The following NDUFAF2 variants were observed in gnomAD, a reference collection of about 807,000 sequenced individuals.
NDUFAF2 encodes NADH dehydrogenase [ubiquinone] 1 alpha subcomplex assembly factor 2.
NDUFAF2 carries 13 observed loss-of-function variants against 22.8 expected under a neutral mutation model. The observed-to-expected ratio is 0.57, with a 90% CI of 0.37 to 0.91. The LOEUF is 0.91. Among genes scored for constraint, NDUFAF2 ranks in the 40% least tolerant of loss-of-function variants. The pLI is 0.01. For missense variants in NDUFAF2, 162 were observed against 195.2 expected (o/e 0.83, Z 1.01); for synonymous variants, 53 against 64.2 (o/e 0.83, Z 0.84).
chr5:61,088,771 G>T (rs1752534582), intron 2 of NDUFAF2, among the ~76,000 whole-genome samples: 1 of 151,970 alleles, frequency 6.6e-6, no homozygotes, highest in Non-Finnish European at 1.5e-5. Flanking sequence ...TAAAAACTGT[G>T]GATCTCTTAT....
chr5:61,149,074 G>A (rs1561140282), intron 3 of NDUFAF2, among the ~76,000 whole-genome samples: 1 of 152,096 alleles, frequency 6.6e-6, no homozygotes, highest in East Asian at 1.9e-4. Flanking sequence ...AGGTTCAAGC[G>A]ATTCTCATGC....
chr5:61,029,754 T>C (rs1434310781), intron 1 of NDUFAF2, among the ~76,000 whole-genome samples: 1 of 152,126 alleles, frequency 6.6e-6, no homozygotes, highest in Non-Finnish European at 1.5e-5. Context: ...AAAAGTATAT[T>C]CCTATTTTCA....
chr5:60,960,342 AAG>A (rs760563311), intron 1 of NDUFAF2, among the ~76,000 whole-genome samples: 4 of 152,188 alleles, frequency 2.6e-5, no homozygotes, highest in Non-Finnish European at 5.9e-5. Context: ...GTATTTGTTG[AAG>A]AATATAATAA....
intron 1 of NDUFAF2, among the ~76,000 whole-genome samples, chr5:61,018,830 T>A (rs1751543676): frequency 6.6e-6 from 1 of 152,114 alleles, no homozygotes; most frequent in Non-Finnish European, 1.5e-5. Flanking sequence ...GGCTTATGGA[T>A]GGTTTAAGAG....
At chr5:60,970,429 T>G (rs1323364278) in intron 1 of NDUFAF2, among the ~76,000 whole-genome samples, 1 of 152,200 alleles carries the variant, frequency 6.6e-6, no homozygotes, top group Non-Finnish European at 1.5e-5. Context: ...ATAGTTTTCA[T>G]TGTAGACATC....
chr5:61,104,335 T>G (rs80278356), intron 3 of NDUFAF2, among the ~76,000 whole-genome samples: 3,700 of 152,246 alleles, frequency 0.024, 63 homozygotes, highest in Non-Finnish European at 0.038. Flanking sequence ...GTAAAGTTTT[T>G]TGTTTGAACA....
At chr5:61,025,625 T>C (rs1179905588) in intron 1 of NDUFAF2, among the ~76,000 whole-genome samples, 1 of 152,042 alleles carries the variant, frequency 6.6e-6, no homozygotes, top group Non-Finnish European at 1.5e-5. Flanking sequence ...GTTTTGATTC[T>C]ATGTTTTAAT....
chr5:61,056,551 G>C (rs1285409335), intron 1 of NDUFAF2, among the ~76,000 whole-genome samples: 1 of 151,984 alleles, frequency 6.6e-6, no homozygotes, highest in Non-Finnish European at 1.5e-5. Flanking sequence ...ATTAGCCAGG[G>C]TAAAGTTTGT....
chr5:61,112,217 C>G (rs1482000958), intron 3 of NDUFAF2, among the ~76,000 whole-genome samples: 1 of 140,440 alleles, frequency 7.1e-6, no homozygotes, highest in East Asian at 2.7e-4. Context: ...TTATCCCCCC[C>G]CCTTTTTTTT....
chr5:61,066,144 T>A (rs1329154893), intron 1 of NDUFAF2, among the ~76,000 whole-genome samples: 1 of 151,984 alleles, frequency 6.6e-6, no homozygotes, highest in African/African-American at 2.4e-5. Context: ...GGAATAAATT[T>A]AAGCAAGGAG....
intron 1 of NDUFAF2, among the ~76,000 whole-genome samples, chr5:61,040,284 A>ACGCGCGCGCGCGCGCG (rs1297710611): frequency 1.3e-4 from 11 of 87,216 alleles, no homozygotes; most frequent in African/African-American, 4.4e-4. Flanking sequence ...ACACACACAC[A>ACGCGCGCGCGCGCGCG]CACGCGCGCG....
At chr5:61,146,122 A>G (rs1410909808) in intron 3 of NDUFAF2, 2 of 152,206 alleles carry the variant, frequency 1.3e-5, no homozygotes, top group African/African-American at 4.8e-5. Context: ...GCACGTGGTA[A>G]CAACAGCCCT....
chr5:61,103,038 G>T (rs1435449252), intron 3 of NDUFAF2, among the ~76,000 whole-genome samples: 2 of 152,102 alleles, frequency 1.3e-5, no homozygotes, highest in Admixed American at 6.6e-5. Context: ...AAAACTGACA[G>T]TTTGTTATAA....
chr5:61,030,053 C>G (rs974898553), intron 1 of NDUFAF2, among the ~76,000 whole-genome samples: 3 of 152,120 alleles, frequency 2.0e-5, no homozygotes, highest in Admixed American at 6.6e-5. Context: ...TCATTCAGCC[C>G]TGGTTGATAG....
chr5:61,107,090 C>CACAT (rs918380662), intron 3 of NDUFAF2, among the ~76,000 whole-genome samples: 2 of 146,048 alleles, frequency 1.4e-5, no homozygotes, highest in African/African-American at 2.6e-5. Flanking sequence ...CACACACACA[C>CACAT]ATATATGCCT....
At chr5:61,106,491 C>A (rs1335214947) in intron 3 of NDUFAF2, among the ~76,000 whole-genome samples, 1 of 151,490 alleles carries the variant, frequency 6.6e-6, no homozygotes, top group East Asian at 1.9e-4. Flanking sequence ...ATAATCACAT[C>A]AAGGTAAATG....
At chr5:61,065,532 G>C (rs1400792450) in intron 1 of NDUFAF2, among the ~76,000 whole-genome samples, 1 of 152,050 alleles carries the variant, frequency 6.6e-6, no homozygotes, top group African/African-American at 2.4e-5. Context: ...TGGCATGCAA[G>C]ACTGGTTTAA....
intron 1 of NDUFAF2, among the ~76,000 whole-genome samples, chr5:61,004,636 A>C (rs1561539673): frequency 6.6e-6 from 1 of 152,034 alleles, no homozygotes; most frequent in Non-Finnish European, 1.5e-5. Context: ...GGTCTTTGGG[A>C]TCTCACTGAG....
At chr5:61,074,732 C>T (rs1752345373) in intron 2 of NDUFAF2, among the ~76,000 whole-genome samples, 1 of 152,076 alleles carries the variant, frequency 6.6e-6, no homozygotes, top group African/African-American at 2.4e-5. Flanking sequence ...TGCACTCTGG[C>T]TTGGGCAACA....
Sources: gnomAD v4.1 joint callset for allele counts (sites outside exome capture counted in the v4.1 genomes callset) on GRCh38, gnomAD v4.1.1 for gene constraint, MANE v1.5 for transcripts, NCBI Gene and HGNC (gene_info 2026-07-23, HGNC 2026-07-21) for gene names.